The following ZMYM4 variants were observed in gnomAD, a reference collection of about 807,000 sequenced individuals.
ZMYM4 encodes the protein zinc finger MYM-type protein 4.
A neutral mutation model predicts 183.2 loss-of-function variants in ZMYM4; 31 were observed. The ratio of observed to expected loss-of-function variants is 0.17; its 90% confidence interval spans 0.13 to 0.23. The LOEUF (loss-of-function observed/expected upper bound fraction) is 0.23. Among genes scored for constraint, ZMYM4 ranks in the 10% least tolerant of loss-of-function variants. ZMYM4 has a pLI of 1.00. For missense variants in ZMYM4, 1,273 were observed against 1,840.3 expected, an observed-to-expected ratio of 0.69 and a Z score of 5.64; for synonymous variants, 592 against 631.2, an observed-to-expected ratio of 0.94 and a Z score of 0.93.
chr1:35,314,009 A>G (rs1046826552), intron 1 of ZMYM4, among the ~76,000 whole-genome samples: 2 of 152,182 alleles, frequency 1.3e-5, no homozygotes, highest in Non-Finnish European at 2.9e-5. Context: ...TTTAGGTATC[A>G]CTAATTGAAG....
intron 2 of ZMYM4, among the ~76,000 whole-genome samples, chr1:35,355,403 A>G (rs1432656710): frequency 6.6e-6 from 1 of 151,776 alleles, no homozygotes; most frequent in African/African-American, 2.4e-5. Flanking sequence ...TGTGAACGTG[A>G]TATCTCGTTT....
At chr1:35,305,215 G>A (rs1216735674) in intron 1 of ZMYM4, among the ~76,000 whole-genome samples, 2 of 152,236 alleles carry the variant, frequency 1.3e-5, no homozygotes, top group African/African-American at 4.8e-5. Context: ...CTTGGGTCAA[G>A]TTGGTTGGTA....
At chr1:35,304,991 A>G (rs1033331437) in intron 1 of ZMYM4, among the ~76,000 whole-genome samples, 3 of 152,066 alleles carry the variant, frequency 2.0e-5, no homozygotes, top group Non-Finnish European at 2.9e-5. Context: ...TATTACAGGC[A>G]TGCGCTACTA....
In ZMYM4 at chr1:35,387,582, T is replaced by C; in HGVS notation, c.2241T>C (p.Ala747=). The C allele has an allele frequency of 6.2e-7, 1 of 1,612,376 alleles. No homozygotes were observed. Among genetic ancestry groups the C allele is most frequent in the Non-Finnish European group, 8.5e-7 (1 of 1,179,522 alleles). The change falls in exon 13 of 30, where the codon GCT becomes GCC. Residue 747 remains alanine (A), a synonymous_variant. Transcript: ENST00000314607. ...IVKETVRFSG[A]DKSFCSEGCK... is the part of the protein sequence containing the mutation. ...AGGAGACTGTTCGGTTCTCAGGTGC[T>C]GACAAGTCATTCTGTAGTGAAGGTA... is the stretch of plus-strand genomic sequence containing the variant.
At chr1:35,313,390 C>CTTTTTTTTTTTTT (rs36112055) in intron 1 of ZMYM4, among the ~76,000 whole-genome samples, 12 of 131,544 alleles carry the variant, frequency 9.1e-5, no homozygotes, top group Non-Finnish European at 1.7e-4. Flanking sequence ...TTTTCTTTTT[C>CTTTTTTTTTTTTT]TTTTTTTTTT....
intron 7 of ZMYM4, among the ~76,000 whole-genome samples, chr1:35,374,625 A>G (rs1345633299): frequency 4.0e-5 from 6 of 150,252 alleles, no homozygotes; most frequent in Non-Finnish European, 7.4e-5. Flanking sequence ...ACATAGTGAG[A>G]CCTGGTCCCC....
At chr1:35,307,524 A>C (rs1641587618) in intron 1 of ZMYM4, among the ~76,000 whole-genome samples, 1 of 146,420 alleles carries the variant, frequency 6.8e-6, no homozygotes, top group Admixed American at 6.8e-5. Flanking sequence ...TATTTTTATT[A>C]TTATTATTAT....
chr1:35,297,760 A>G (rs1641090537), intron 1 of ZMYM4, among the ~76,000 whole-genome samples: 1 of 152,178 alleles, frequency 6.6e-6, no homozygotes. Flanking sequence ...ATGCCCCTGC[A>G]TATGTGGGAT....
chr1:35,289,001 G>A (rs968560306), intron 1 of ZMYM4, among the ~76,000 whole-genome samples: 4 of 152,164 alleles, frequency 2.6e-5, no homozygotes, highest in Non-Finnish European at 2.9e-5. Context: ...GTCAGATGTG[G>A]TTCCAAGTGC....
intron 2 of ZMYM4, among the ~76,000 whole-genome samples, chr1:35,345,802 C>T (rs1307277966): frequency 6.6e-6 from 1 of 152,150 alleles, no homozygotes; most frequent in African/African-American, 2.4e-5. Context: ...GTAAAATATA[C>T]GTAAAATGAA....
chr1:35,408,072 A>G lies in ZMYM4; in HGVS notation c.3861A>G (p.Leu1287=), dbSNP rs1170082883. 1.2e-6 allele frequency: 2 copies of G among 1,614,132 alleles called. No individual in the cohort carries two copies. The highest frequency in any genetic ancestry group is 2.2e-5 in the South Asian group (2 of 91,092). The change falls in exon 26 of 30, where the codon TTA becomes TTG. Residue 1287 remains leucine (L), a synonymous_variant. Coordinates refer to ENST00000314607, the MANE Select transcript of ZMYM4 (RefSeq NM_005095.3). ...CTTTTGCTGAGTTGAGTTTGGGCTT[A>G]TGCCAGTTTATCCAAGAGGTGCGGA... ...SCTFAELSLG[L]CQFIQEVRRP... is the part of the protein sequence containing the mutation.
chr1:35,361,293 G>T, intron 4 of ZMYM4, 38 bp downstream of exon 4: 1 of 1,550,058 alleles, frequency 6.5e-7, no homozygotes, highest in South Asian at 1.2e-5. Context: ...CTGTAACTGT[G>T]ACAAGTGTCA....
chr1:35,417,294 C>T (rs187431248), intron 28 of ZMYM4, among the ~76,000 whole-genome samples: 173 of 151,320 alleles, frequency 1.1e-3, no homozygotes, highest in Non-Finnish European at 1.9e-3. Context: ...CTAGTGTTCT[C>T]TTGAGGAGTG....
At chr1:35,296,843 CT>C (rs780202714) in intron 1 of ZMYM4, among the ~76,000 whole-genome samples, 92 of 95,602 alleles carry the variant, frequency 9.6e-4, no homozygotes, top group South Asian at 1.5e-3. Flanking sequence ...TTCTTTCTTT[CT>C]TTTTTTTTTT....
At chr1:35,412,794 T>C (rs553952069) in intron 26 of ZMYM4, among the ~76,000 whole-genome samples, 32 of 152,260 alleles carry the variant, frequency 2.1e-4, no homozygotes, top group African/African-American at 7.5e-4. Context: ...TAAATTGCCT[T>C]TGAGGAGGCC....
In ZMYM4 at chr1:35,393,324, T is replaced by C. The variant is rs1034945885; in HGVS notation, c.2767-271T>C. 3.3e-5 allele frequency among the ~76,000 whole-genome samples: 5 copies of C among 152,208 alleles called. No individual in the cohort carries two copies. The South Asian group carries it at 1.0e-3, about 31-fold the overall frequency. On this transcript the variant is annotated intron_variant, in intron 17 of 29. Coordinates refer to ENST00000314607, the MANE Select transcript of ZMYM4 (RefSeq NM_005095.3). ...TAAACTTAGCCAGCATTGTTATTGA[T>C]CAGCAGTGTGTTACAATAGAAATAG...
chr1:35,269,191 G>A (rs1293896324), intron 1 of ZMYM4, 106 bp downstream of exon 1: 37 of 1,362,652 alleles, frequency 2.7e-5, no homozygotes, highest in South Asian at 4.0e-5. Flanking sequence ...GCCCAGTTAG[G>A]ACAAGGTTGC....
At chr1:35,303,095 C>CAA (rs1297632442) in intron 1 of ZMYM4, among the ~76,000 whole-genome samples, 12 of 110,582 alleles carry the variant, frequency 1.1e-4, no homozygotes, top group Admixed American at 5.5e-4. Flanking sequence ...GGAAACCTGG[C>CAA]AAAAAAAAAA....
rs564828066 is a variant in ZMYM4 at position 35,420,961 on chromosome 1, G to A, written c.*1284G>A. ...AGTCATAGGTGTGTGTGGCATATCA[G>A]TCCATCTCCCTCATCTCCATTCTCA... On this transcript the variant is annotated 3_prime_UTR_variant, in exon 30 of 30. Transcript: ENST00000314607. The A allele has an allele frequency of 2.0e-5, 3 of 152,406 alleles. No homozygotes were observed. Among genetic ancestry groups the A allele is most frequent in the South Asian group, 2.1e-4 (1 of 4,832 alleles). The allele number at this position is 152,406 out of a possible 1,614,324, so 9.4% of individuals were successfully genotyped here. A position where few individuals can be genotyped will look rare whatever the true frequency, so the allele number is the denominator to read the frequency against.
Sources: gnomAD v4.1 joint callset for allele counts (sites outside exome capture counted in the v4.1 genomes callset) on GRCh38, gnomAD v4.1.1 for gene constraint, MANE v1.5 for transcripts, NCBI Gene and HGNC (gene_info 2026-07-23, HGNC 2026-07-21) for gene names.